TNNI3K: variants seen among roughly 807,000 people sequenced by gnomAD.
The protein encoded by TNNI3K is TNNI3 interacting kinase.
Under a neutral mutation model 114.5 loss-of-function variants are expected in TNNI3K, and 140 were observed. That is an observed-to-expected ratio of 1.22 (90% CI 1.07 to 1.41). The LOEUF (loss-of-function observed/expected upper bound fraction) is 1.41. Among genes scored for constraint, TNNI3K ranks in the 40% most tolerant of loss-of-function variants. TNNI3K has a pLI of 0.00. For synonymous variants in TNNI3K, 347 were observed against 347.5 expected (o/e 1.00, Z 0.02); for missense variants, 1,125 against 1,007.6 (o/e 1.12, Z -1.58).
chr1:74,246,848 A>C (rs2100839691), intron 2 of TNNI3K, among the ~76,000 whole-genome samples: 1 of 152,314 alleles, frequency 6.6e-6, no homozygotes, highest in East Asian at 1.9e-4. Context: ...AAGTGGAAAA[A>C]ATCATTTCAT....
At chr1:74,515,094 C>T (rs1354471967) in intron 23 of TNNI3K, among the ~76,000 whole-genome samples, 1 of 152,078 alleles carries the variant, frequency 6.6e-6, no homozygotes, top group Non-Finnish European at 1.5e-5. Flanking sequence ...AATATTCCTT[C>T]AGAAAGAACC....
At chr1:74,399,604 C>G (rs1159978091) in intron 17 of TNNI3K, among the ~76,000 whole-genome samples, 2 of 152,012 alleles carry the variant, frequency 1.3e-5, no homozygotes, top group South Asian at 2.1e-4. Flanking sequence ...ACATTACACT[C>G]GAGTCAAGAG....
intron 23 of TNNI3K, among the ~76,000 whole-genome samples, chr1:74,538,339 G>A (rs915887861): frequency 6.6e-6 from 1 of 151,974 alleles, no homozygotes; most frequent in Non-Finnish European, 1.5e-5. Flanking sequence ...AAGACCCTTT[G>A]GGGGGAGTAT....
intron 17 of TNNI3K, among the ~76,000 whole-genome samples, chr1:74,382,083 G>C (rs142521480): frequency 6.6e-6 from 1 of 152,170 alleles, no homozygotes; most frequent in African/African-American, 2.4e-5. Context: ...AACCAGGGAG[G>C]ATGTTTTCAA....
At chr1:74,328,768 G>A (rs1433385613) in intron 5 of TNNI3K, among the ~76,000 whole-genome samples, 13 of 152,060 alleles carry the variant, frequency 8.5e-5, no homozygotes, top group Admixed American at 7.2e-4. Flanking sequence ...TAAAGCCTAA[G>A]AACTCTTATC....
At chr1:74,517,155 A>G (rs1367766011) in intron 23 of TNNI3K, among the ~76,000 whole-genome samples, 1 of 152,154 alleles carries the variant, frequency 6.6e-6, no homozygotes, top group Non-Finnish European at 1.5e-5. Flanking sequence ...ACCTGTGGGC[A>G]CTTTCTATAT....
intron 5 of TNNI3K, among the ~76,000 whole-genome samples, chr1:74,297,769 A>T (rs1434347489): frequency 1.3e-5 from 2 of 151,984 alleles, no homozygotes; most frequent in Non-Finnish European, 2.9e-5. Flanking sequence ...TTTGTATTTC[A>T]ACAAATAAAT....
chr1:74,513,043 T>C (rs1025759742), intron 23 of TNNI3K, among the ~76,000 whole-genome samples: 5 of 152,206 alleles, frequency 3.3e-5, no homozygotes, highest in Admixed American at 2.0e-4. Flanking sequence ...CTCTTTAAAG[T>C]TGATGCCAGT....
rs138469588 is a variant in TNNI3K at position 74,342,561 on chromosome 1, T to C, written c.683-281T>C. Among the ~76,000 whole-genome samples the C allele has an allele frequency of 5.9e-4, 90 of 152,328 alleles. 1 individual carries two copies. Among genetic ancestry groups the C allele is most frequent in the African/African-American group, 2.1e-3 (89 of 41,582 alleles). On this transcript the variant is annotated intron_variant, in intron 7 of 24. Transcript: ENST00000326637. The stretch of plus-strand genomic sequence containing the variant: ...GGCCACGTGTACCTTTTGGATGCTA[T>C]TAGTTTCCCGAACTGTTCCACTGTG...
chr1:74,489,873 T>C (rs1189290109), intron 22 of TNNI3K, among the ~76,000 whole-genome samples: 1 of 152,026 alleles, frequency 6.6e-6, no homozygotes, highest in African/African-American at 2.4e-5. Context: ...AAAAATAATA[T>C]ATTCTCAAAT....
At chr1:74,482,908 TC>T (rs2100265608) in intron 21 of TNNI3K, among the ~76,000 whole-genome samples, 1 of 152,348 alleles carries the variant, frequency 6.6e-6, no homozygotes, top group East Asian at 1.9e-4. Context: ...AGTTCAGGTT[TC>T]TGATTCATTG....
Position 74,389,056 on chromosome 1 carries a change from G to C in TNNI3K, c.1772+18664G>C, listed in dbSNP as rs141306135. Among the ~76,000 whole-genome samples the C allele has an allele frequency of 3.9e-3, 589 of 152,326 alleles. 1 individual carries two copies. Among genetic ancestry groups the C allele is most frequent in the Non-Finnish European group, 6.2e-3 (425 of 68,034 alleles). The stretch of plus-strand genomic sequence containing the variant: ...AGACCATGCCCCGACCTCAGTATCA[G>C]CTAACTGCAAGGGAACAGACCACAG... On this transcript the variant is annotated intron_variant, in intron 17 of 24. Transcript: ENST00000326637.
intron 17 of TNNI3K, among the ~76,000 whole-genome samples, chr1:74,424,788 A>G (rs1181007272): frequency 1.3e-5 from 2 of 151,898 alleles, no homozygotes; most frequent in Admixed American, 1.3e-4. Context: ...TCAAGATGTA[A>G]TATCAGTAAC....
chr1:74,372,503 T>G (rs570030272), intron 17 of TNNI3K: 1 of 152,030 alleles, frequency 6.6e-6, no homozygotes, highest in African/African-American at 2.4e-5. Context: ...ATAAAAGTCA[T>G]TTCTTAATTT....
intron 23 of TNNI3K, among the ~76,000 whole-genome samples, chr1:74,501,174 T>C (rs1197689181): frequency 6.6e-6 from 1 of 152,206 alleles, no homozygotes; most frequent in African/African-American, 2.4e-5. Flanking sequence ...CACCCTTTAC[T>C]TTCTCTATCC....
At chr1:74,333,332 C>T (rs1660308470) in intron 6 of TNNI3K, among the ~76,000 whole-genome samples, 2 of 152,172 alleles carry the variant, frequency 1.3e-5, no homozygotes, top group Non-Finnish European at 2.9e-5. Context: ...GAGCTGGGCA[C>T]TGAAAATACT....
chr1:74,396,955 A>G (rs1664115162), intron 17 of TNNI3K, among the ~76,000 whole-genome samples: 1 of 152,182 alleles, frequency 6.6e-6, no homozygotes, highest in African/African-American at 2.4e-5. Flanking sequence ...GGAATGAGAA[A>G]ACGATTGAGG....
intron 8 of TNNI3K, 36 bp downstream of exon 8, chr1:74,343,022 T>C: frequency 6.2e-7 from 1 of 1,613,606 alleles, no homozygotes. Flanking sequence ...GTTCTCCAGG[T>C]ATACTGCATG....
intron 17 of TNNI3K, chr1:74,370,972 G>T (rs1662565372): frequency 6.6e-6 from 1 of 151,880 alleles, no homozygotes; most frequent in Non-Finnish European, 1.5e-5. Flanking sequence ...ACAAAATGGA[G>T]CAGTGTTGGG....
Sources: gnomAD v4.1 joint callset for allele counts (sites outside exome capture counted in the v4.1 genomes callset) on GRCh38, gnomAD v4.1.1 for gene constraint, MANE v1.5 for transcripts, NCBI Gene and HGNC (gene_info 2026-07-23, HGNC 2026-07-21) for gene names.